The following MICAL2 variants were observed in gnomAD, a reference collection of about 807,000 sequenced individuals.
MICAL2 encodes the protein [F-actin]-monooxygenase MICAL2.
In MICAL2, 77 loss-of-function variants were observed where a neutral mutation model predicts 127.3. That is an observed-to-expected ratio of 0.60 (90% CI 0.50 to 0.73). MICAL2 has a LOEUF of 0.73. Ranked by LOEUF, MICAL2 falls within the 30% of genes least tolerant of loss-of-function variation. The pLI is 0.00. For synonymous variants in MICAL2, 570 were observed against 551.1 expected (o/e 1.03, Z -0.48); for missense variants, 1,351 against 1,434.4 (o/e 0.94, Z 0.94).
intron 3 of MICAL2, among the ~76,000 whole-genome samples, chr11:12,178,983 T>C (rs544007850): frequency 6.6e-6 from 1 of 152,268 alleles, no homozygotes; most frequent in South Asian, 2.1e-4. Flanking sequence ...GCTGATTTCT[T>C]ACCCAAGTGA....
chr11:12,250,648 C>A (rs562403495), intron 22 of MICAL2, among the ~76,000 whole-genome samples: 131 of 152,224 alleles, frequency 8.6e-4, no homozygotes, highest in African/African-American at 3.1e-3. Context: ...ATGAAAAGCA[C>A]CTAAATTCTT....
intron 2 of MICAL2, among the ~76,000 whole-genome samples, chr11:12,282,938 G>T (rs769022401): frequency 1.3e-5 from 2 of 152,208 alleles, no homozygotes; most frequent in Non-Finnish European, 2.9e-5. Flanking sequence ...ATGGGGTTGT[G>T]TTGGGAGACT....
chr11:12,281,382 C>T (rs571484270), intron 2 of MICAL2, among the ~76,000 whole-genome samples: 3 of 152,248 alleles, frequency 2.0e-5, no homozygotes, highest in South Asian at 2.1e-4. Context: ...ATCAGGGGCC[C>T]GCAGGTCTCT....
downstream of MICAL2, among the ~76,000 whole-genome samples, chr11:12,295,443 T>TTG (rs2134793126): frequency 9.4e-6 from 1 of 106,522 alleles, no homozygotes; most frequent in Admixed American, 9.5e-5. Context: ...CTCAGCCTCT[T>TTG]TTTTTTTTTT....
intron 30 of MICAL2, chr11:12,323,834 G>T: frequency 1.1e-6 from 1 of 931,788 alleles, no homozygotes. Context: ...TCATTGCAGA[G>T]AGTTCTACCA....
intron 3 of MICAL2, among the ~76,000 whole-genome samples, chr11:12,166,057 C>T (rs1397366202): frequency 1.3e-5 from 2 of 152,140 alleles, no homozygotes; most frequent in African/African-American, 4.8e-5. Context: ...GAATGTTACA[C>T]CCGACTGAGT....
intron 2 of MICAL2, among the ~76,000 whole-genome samples, chr11:12,153,530 C>T (rs1295465213): frequency 2.0e-5 from 3 of 152,132 alleles, no homozygotes; most frequent in Non-Finnish European, 4.4e-5. Flanking sequence ...CTCCACCTCC[C>T]AGGTTCAAGC....
intron 3 of MICAL2, among the ~76,000 whole-genome samples, chr11:12,199,500 C>T (rs771790632): frequency 3.3e-5 from 5 of 152,182 alleles, no homozygotes; most frequent in Non-Finnish European, 7.3e-5. Flanking sequence ...AGACTGCTAA[C>T]CCCTGGCTTA....
intron 18 of MICAL2, among the ~76,000 whole-genome samples, chr11:12,241,591 G>C (rs555244430): frequency 2.1e-4 from 32 of 152,348 alleles, no homozygotes; most frequent in African/African-American, 7.7e-4. Flanking sequence ...CGAAGGCCTT[G>C]CCGGTGCCAG....
intron 29 of MICAL2, among the ~76,000 whole-genome samples, chr11:12,304,097 A>G (rs1864080305): frequency 6.6e-6 from 1 of 152,234 alleles, no homozygotes. Context: ...AATAAAATAT[A>G]TTAAAATTAA....
downstream of MICAL2, chr11:12,292,180 T>C: frequency 6.2e-7 from 1 of 1,614,162 alleles, no homozygotes; most frequent in South Asian, 1.1e-5. Context: ...TGTCACCTCC[T>C]AAGGACCCTT....
At chr11:12,154,862 A>G (rs1564947) in intron 2 of MICAL2, among the ~76,000 whole-genome samples, 66,313 of 152,100 alleles carry the variant, frequency 0.44, 17,662 homozygotes, top group Non-Finnish European at 0.62. Flanking sequence ...AAGGAAGACC[A>G]TACTATTTCT....
At chr11:12,193,235 G>A (rs1859442598) in intron 3 of MICAL2, among the ~76,000 whole-genome samples, 1 of 152,206 alleles carries the variant, frequency 6.6e-6, no homozygotes, top group African/African-American at 2.4e-5. Context: ...TTGGCAAGGT[G>A]GTTAGCTGTG....
intron 17 of MICAL2, 140 bp from the exon 18 acceptor site, chr11:12,240,900 T>G: frequency 8.9e-7 from 1 of 1,123,804 alleles, no homozygotes; most frequent in South Asian, 1.5e-5. Flanking sequence ...TTGCGGGAGC[T>G]CAGCCCAGTG....
chr11:12,130,992 G>A (rs1023392869), intron 1 of MICAL2, among the ~76,000 whole-genome samples: 13 of 152,158 alleles, frequency 8.5e-5, no homozygotes, highest in African/African-American at 2.7e-4. Context: ...CTGGGTTGCA[G>A]GTGAGAAAGA....
chr11:12,360,259 T>C (rs1337795274), downstream of MICAL2, among the ~76,000 whole-genome samples: 1 of 152,158 alleles, frequency 6.6e-6, no homozygotes, highest in African/African-American at 2.4e-5. Context: ...TGTGTATTGG[T>C]GAGAATTGAT....
At chr11:12,228,565 A>T (rs1857786382) in intron 15 of MICAL2, among the ~76,000 whole-genome samples, 1 of 152,192 alleles carries the variant, frequency 6.6e-6, no homozygotes, top group Non-Finnish European at 1.5e-5. Context: ...GAAAACTGAG[A>T]ACCAAGAGTC....
chr11:12,164,046 G>A (rs1352700025), intron 3 of MICAL2, among the ~76,000 whole-genome samples: 2 of 152,086 alleles, frequency 1.3e-5, no homozygotes, highest in Non-Finnish European at 2.9e-5. Context: ...TTGTCACAGG[G>A]AGTCAGCCAG....
chr11:12,273,775 G>T (rs1302453420), upstream of MICAL2, among the ~76,000 whole-genome samples: 2 of 152,138 alleles, frequency 1.3e-5, no homozygotes, highest in Non-Finnish European at 2.9e-5. Flanking sequence ...AGCCACAGGG[G>T]CAGGGAGAGA....
Sources: gnomAD v4.1 joint callset for allele counts (sites outside exome capture counted in the v4.1 genomes callset) on GRCh38, gnomAD v4.1.1 for gene constraint, MANE v1.5 for transcripts, NCBI Gene and HGNC (gene_info 2026-07-23, HGNC 2026-07-21) for gene names.